The following THRB variants were observed in gnomAD, a reference collection of about 807,000 sequenced individuals.
THRB encodes the protein thyroid hormone receptor beta.
A neutral mutation model predicts 47.8 loss-of-function variants in THRB; 12 were observed. The observed-to-expected ratio is 0.25, with a 90% CI of 0.16 to 0.41. The LOEUF is 0.41. Among genes scored for constraint, THRB ranks in the 10% least tolerant of loss-of-function variants. The probability of loss-of-function intolerance (pLI) is 1.00; values close to 1 mark genes in which losing one functional copy is unlikely to be tolerated. For synonymous variants in THRB, 218 were observed against 212.2 expected, an observed-to-expected ratio of 1.03 and a Z score of -0.24; for missense variants, 348 against 589.2, an observed-to-expected ratio of 0.59 and a Z score of 4.24.
intron 4 of THRB, among the ~76,000 whole-genome samples, chr3:24,201,065 G>C (rs1252359356): frequency 6.6e-6 from 1 of 152,038 alleles, no homozygotes; most frequent in African/African-American, 2.4e-5. Flanking sequence ...TGCCTGTCTT[G>C]TGGAAGATAA....
intron 1 of THRB, among the ~76,000 whole-genome samples, chr3:24,440,396 C>T (rs546829585): frequency 3.6e-4 from 55 of 152,234 alleles, no homozygotes; most frequent in Admixed American, 1.4e-3. Context: ...AGAGACCAGC[C>T]CCACACAGGA....
intron 1 of THRB, among the ~76,000 whole-genome samples, chr3:24,471,820 C>A (rs955128706): frequency 6.6e-6 from 1 of 152,298 alleles, no homozygotes; most frequent in African/African-American, 2.4e-5. Context: ...GATTACACCA[C>A]GGAAGACTTA....
At chr3:24,476,603 ACAT>A (rs1560283852) in intron 1 of THRB, among the ~76,000 whole-genome samples, 1 of 152,218 alleles carries the variant, frequency 6.6e-6, no homozygotes, top group African/African-American at 2.4e-5. Context: ...CAATTTGGGA[ACAT>A]CCTGTGTCTC....
At chr3:24,435,014 T>C (rs1266360622) in intron 1 of THRB, among the ~76,000 whole-genome samples, 1 of 152,146 alleles carries the variant, frequency 6.6e-6, no homozygotes, top group Non-Finnish European at 1.5e-5. Flanking sequence ...GGTAGAGGTA[T>C]CCAGTATGTG....
chr3:24,279,320 A>G (rs898948003), intron 3 of THRB, among the ~76,000 whole-genome samples: 7 of 152,214 alleles, frequency 4.6e-5, no homozygotes, highest in African/African-American at 1.7e-4. Context: ...GAAGTGAATC[A>G]GTGAAAGAAG....
intron 4 of THRB, among the ~76,000 whole-genome samples, chr3:24,201,359 G>C (rs1363604299): frequency 1.3e-5 from 2 of 152,094 alleles, no homozygotes; most frequent in African/African-American, 4.8e-5. Flanking sequence ...CAAATGGCTT[G>C]TGAATATCTA....
chr3:24,336,722 C>CCTTTTTTTTTTTT (rs1167185445), intron 2 of THRB, among the ~76,000 whole-genome samples: 3 of 135,960 alleles, frequency 2.2e-5, no homozygotes, highest in South Asian at 2.4e-4. Context: ...AATTCTCATG[C>CCTTTTTTTTTTTT]TTTTTTTTTT....
At chr3:24,217,318 T>C (rs2046669052) in intron 4 of THRB, among the ~76,000 whole-genome samples, 1 of 152,074 alleles carries the variant, frequency 6.6e-6, no homozygotes, top group South Asian at 2.1e-4. Flanking sequence ...CCATGAAAAA[T>C]GCCTTCAGAT....
At chr3:24,491,989 AAAAG>A (rs1410166789) in intron 1 of THRB, among the ~76,000 whole-genome samples, 11 of 152,216 alleles carry the variant, frequency 7.2e-5, no homozygotes, top group Non-Finnish European at 1.5e-4. Context: ...TTTTATTTCG[AAAAG>A]AAAGAGAGAG....
chr3:24,391,939 A>G (rs974263637), intron 1 of THRB, among the ~76,000 whole-genome samples: 1 of 152,152 alleles, frequency 6.6e-6, no homozygotes. Context: ...GAGGCTACAT[A>G]ATTCGCACAG....
Position 24,119,099 on chromosome 3 carries a change from A to T in THRB, c.*3785T>A, listed in dbSNP as rs1438059347. On this transcript the variant is annotated 3_prime_UTR_variant, in exon 11 of 11. Coordinates refer to ENST00000646209, the MANE Select transcript of THRB (RefSeq NM_001354712.2). ...GCAAATCCTTACCTGGATAATAAATATCTACATCACAGTACAATAAAATTT... is the reference window on the plus strand; with the variant it reads ...GCAAATCCTTACCTGGATAATAAATTTCTACATCACAGTACAATAAAATTT... 3 of 151,520 alleles carry T rather than the reference A, an allele frequency of 2.0e-5. No individual in the cohort carries two copies. The highest frequency in any genetic ancestry group is 4.4e-5 in the Non-Finnish European group (3 of 67,902). The allele number at this position is 151,520 out of a possible 1,614,324, so 9.4% of individuals were successfully genotyped here.
At chr3:24,147,049 T>G (rs2149039070) in intron 6 of THRB, among the ~76,000 whole-genome samples, 1 of 152,290 alleles carries the variant, frequency 6.6e-6, no homozygotes, top group Admixed American at 6.5e-5. Flanking sequence ...ACACCTTTTT[T>G]TTTGGTCTTT....
chr3:24,311,483 A>G (rs1477577604), intron 2 of THRB, among the ~76,000 whole-genome samples: 1 of 152,186 alleles, frequency 6.6e-6, no homozygotes, highest in Non-Finnish European at 1.5e-5. Context: ...CATGCTACAA[A>G]GAAAACCTGA....
At chr3:24,264,352 C>G (rs1165508579) in intron 3 of THRB, among the ~76,000 whole-genome samples, 2 of 152,048 alleles carry the variant, frequency 1.3e-5, no homozygotes, top group East Asian at 3.8e-4. Context: ...CCCCTTGGTG[C>G]TTAAAAAAAT....
intron 3 of THRB, among the ~76,000 whole-genome samples, chr3:24,276,504 T>C (rs552989135): frequency 5.3e-4 from 80 of 152,340 alleles, no homozygotes; most frequent in Non-Finnish European, 1.0e-3. Context: ...ATCTACATTT[T>C]GTTATCTGCA....
At chr3:24,216,333 T>TG (rs2046554780) in intron 4 of THRB, among the ~76,000 whole-genome samples, 2 of 152,198 alleles carry the variant, frequency 1.3e-5, no homozygotes, top group African/African-American at 2.4e-5. Flanking sequence ...AATTGCTGGC[T>TG]GGGCGCAGTG....
chr3:24,321,311 C>G (rs1394765), intron 2 of THRB, among the ~76,000 whole-genome samples: 73,440 of 152,014 alleles, frequency 0.48, 19,541 homozygotes, highest in African/African-American at 0.69. Flanking sequence ...CTGGTTTCCA[C>G]ATCCCTAGGC....
intron 7 of THRB, among the ~76,000 whole-genome samples, chr3:24,146,411 A>G (rs2036110900): frequency 6.6e-6 from 1 of 152,228 alleles, no homozygotes; most frequent in Admixed American, 6.5e-5. Context: ...GGGATAATTT[A>G]ACTGCATTTC....
rs767685100 is a variant in THRB, at chr3:24,431,261, T to TCTACACAC, written c.-261+63390_-261+63391insGTGTGTAG. ...GGATCAGTCTCTCTCTCTCTCTCTCTACACACACACACACACACACACACA... is the reference window on the plus strand; with the variant it reads ...GGATCAGTCTCTCTCTCTCTCTCTCTCTACACACACACACACACACACACACACACACA... On this transcript the variant is annotated intron_variant, in intron 1 of 10. Transcript: ENST00000646209. 2.2e-3 allele frequency among the ~76,000 whole-genome samples: 292 copies of TCTACACAC among 135,786 alleles called. 1 individual carries two copies. The highest frequency in any genetic ancestry group is 7.5e-3 in the African/African-American group (278 of 36,968). The allele number at this position is 135,786 out of a possible 152,430, so 89.1% of individuals were successfully genotyped here.
Sources: allele counts gnomAD v4.1 joint callset (sites outside exome capture counted in the v4.1 genomes callset), GRCh38; gene constraint gnomAD v4.1.1; transcripts MANE v1.5; gene names NCBI Gene and HGNC (gene_info 2026-07-23, HGNC 2026-07-21).